PCDHGB2: variants seen among roughly 807,000 people sequenced by gnomAD.
The protein encoded by PCDHGB2 is protocadherin gamma-B2.
Under a neutral mutation model 59.3 loss-of-function variants are expected in PCDHGB2, and 55 were observed. The observed-to-expected ratio is 0.93, with a 90% CI of 0.75 to 1.16. The LOEUF is 1.16. Among genes scored for constraint, PCDHGB2 ranks in the 50% most tolerant of loss-of-function variants. The pLI, the probability that PCDHGB2 is intolerant of heterozygous loss-of-function variation, is 0.00. For synonymous variants in PCDHGB2, 516 were observed against 512.0 expected, an observed-to-expected ratio of 1.01 and a Z score of -0.11; for missense variants, 1,228 against 1,198.5, an observed-to-expected ratio of 1.02 and a Z score of -0.36.
rs1264017483 is a variant in PCDHGB2 at position 141,477,989 on chromosome 5, A to G, written c.2422-16818A>G. The G allele has an allele frequency of 5.6e-6, 9 of 1,614,086 alleles. No individual in the cohort carries two copies. The highest frequency in any genetic ancestry group is 1.6e-4 in the Middle Eastern group (1 of 6,062). On this transcript the variant is annotated intron_variant, in intron 1 of 3. Coordinates refer to ENST00000522605, the MANE Select transcript of PCDHGB2 (RefSeq NM_018923.3). The surrounding 1 kb of genome is among the most constrained non-coding windows in gnomAD (Gnocchi z 4.9). ...GAGCCTTTTTGCCATAGGGCTGCACACTGGTCAAATCAGTACTGCCCGTCC... is the reference window on the plus strand; with the variant it reads ...GAGCCTTTTTGCCATAGGGCTGCACGCTGGTCAAATCAGTACTGCCCGTCC...
chr5:141,452,148 T>C (rs1294195346), intron 1 of PCDHGB2, among the ~76,000 whole-genome samples: 1 of 152,228 alleles, frequency 6.6e-6, no homozygotes, highest in Non-Finnish European at 1.5e-5. Flanking sequence ...TTTTTTCCAA[T>C]GAGTTATATT....
chr5:141,499,881 T>A (rs2099795027), intron 2 of PCDHGB2, among the ~76,000 whole-genome samples: 1 of 152,082 alleles, frequency 6.6e-6, no homozygotes, highest in African/African-American at 2.4e-5. Flanking sequence ...ACAAACAGGG[T>A]TTCGCCATGT....
intron 1 of PCDHGB2, chr5:141,398,504 T>C: frequency 6.2e-7 from 1 of 1,611,098 alleles, no homozygotes; most frequent in Admixed American, 1.7e-5. Flanking sequence ...ATCGAGGACA[T>C]TAATGACCAC....
At chr5:141,417,954 C>A (rs2096198021) in intron 1 of PCDHGB2, 3 of 1,613,600 alleles carry the variant, frequency 1.9e-6, no homozygotes, top group South Asian at 1.1e-5. Flanking sequence ...CTGTGTGAGC[C>A]GATCCGCTAC....
In PCDHGB2 at chr5:141,476,886, C is replaced by T; in HGVS notation, c.2422-17921C>T. ...TACCGGGCGCGCGTCCTGGAGGATG[C>T]ACCCTCCGGCACGCGCGTGGTACAA... On this transcript the variant is annotated intron_variant, in intron 1 of 3. Transcript: ENST00000522605. This position sits in a 1 kb window ranked among gnomAD's most constrained non-coding sequence, Gnocchi z 7.6. The T allele has an allele frequency of 9.9e-6, 16 of 1,613,924 alleles. No individual in the cohort carries two copies. Among genetic ancestry groups the T allele is most frequent in the Non-Finnish European group, 1.4e-5 (16 of 1,180,032 alleles).
At chr5:141,502,093 G>C (rs1037154464) in intron 2 of PCDHGB2, among the ~76,000 whole-genome samples, 27 of 152,112 alleles carry the variant, frequency 1.8e-4, no homozygotes, top group Admixed American at 1.7e-3. Flanking sequence ...AGAACACCTG[G>C]CCTTGACCCT....
At chr5:141,385,259 A>G (rs1202101252) in intron 1 of PCDHGB2, 2 of 1,613,774 alleles carry the variant, frequency 1.2e-6, no homozygotes, top group Middle Eastern at 1.6e-4. Context: ...AGCTGTGAGA[A>G]AAATGATTCT....
At chr5:141,424,668 A>G (rs1561816018) in intron 1 of PCDHGB2, 1 of 152,196 alleles carries the variant, frequency 6.6e-6, no homozygotes, top group Non-Finnish European at 1.5e-5. Flanking sequence ...AATTAAACTG[A>G]TTTAGCTAGT....
At chr5:141,365,439 G>A (rs1010180647) in intron 1 of PCDHGB2, 3 of 1,613,890 alleles carry the variant, frequency 1.9e-6, no homozygotes, top group Non-Finnish European at 2.5e-6. Context: ...GCGCTGTTTA[G>A]CGTACATGAT....
chr5:141,388,396 A>C, intron 1 of PCDHGB2: 2 of 1,614,014 alleles, frequency 1.2e-6, no homozygotes, highest in Non-Finnish European at 1.7e-6. Flanking sequence ...CAGAATTACC[A>C]ACTCAGTCCC....
At chr5:141,475,957 G>A (rs776101269) in intron 1 of PCDHGB2, 148 of 812,416 alleles carry the variant, frequency 1.8e-4, no homozygotes, top group Non-Finnish European at 2.6e-4. Flanking sequence ...CTGCGCCCCG[G>A]GATGAGGCAG....
chr5:141,365,211 T>G, intron 1 of PCDHGB2: 1 of 1,613,934 alleles, frequency 6.2e-7, no homozygotes, highest in Middle Eastern at 1.6e-4. Context: ...ACTTTCCAAC[T>G]TGATTCCAAC....
chr5:141,486,211 T>C lies in PCDHGB2; in HGVS notation c.2422-8596T>C, dbSNP rs779905477. On this transcript the variant is annotated intron_variant, in intron 1 of 3. Coordinates refer to ENST00000522605, the MANE Select transcript of PCDHGB2 (RefSeq NM_018923.3). The surrounding 1 kb of genome is among the most constrained non-coding windows in gnomAD (Gnocchi z 5.0). ...TGGATCTGCTGGACGTAAATGACAA[T>C]GCCCCTTACATCACAGTGACCTCAG... 6.2e-7 allele frequency: 1 copy of C among 1,614,142 alleles called. No homozygotes were observed. Among genetic ancestry groups the C allele is most frequent in the Non-Finnish European group, 8.5e-7 (1 of 1,180,024 alleles).
At chr5:141,421,017 T>TGC (rs1489188484) in intron 1 of PCDHGB2, 1 of 518,776 alleles carries the variant, frequency 1.9e-6, no homozygotes, top group African/African-American at 2.0e-5. Flanking sequence ...AATGGGAAGC[T>TGC]GCGCGCCATT....
intron 1 of PCDHGB2, among the ~76,000 whole-genome samples, chr5:141,483,679 CAGAA>C (rs1470395939): frequency 6.7e-6 from 1 of 149,028 alleles, no homozygotes; most frequent in Non-Finnish European, 1.5e-5. Flanking sequence ...TAAAAGAACA[CAGAA>C]AGCCAGATTC....
chr5:141,365,569 A>G, intron 1 of PCDHGB2: 1 of 1,613,722 alleles, frequency 6.2e-7, no homozygotes, highest in Non-Finnish European at 8.5e-7. Context: ...TGGACAGAGA[A>G]GAGACTTCAG....
At chr5:141,384,795 G>C (rs763067876) in intron 1 of PCDHGB2, 1 of 1,613,482 alleles carries the variant, frequency 6.2e-7, no homozygotes, top group South Asian at 1.1e-5. Context: ...CTCGGGCCCT[G>C]CTGGACAGAG....
At chr5:141,371,130 A>G (rs1055242827) in intron 1 of PCDHGB2, 3 of 1,614,014 alleles carry the variant, frequency 1.9e-6, no homozygotes, top group East Asian at 2.2e-5. Context: ...TACTCAGGAC[A>G]TGTACAGGGT....
At chr5:141,421,774 C>G (rs767599830) in intron 1 of PCDHGB2, 27 of 1,613,772 alleles carry the variant, frequency 1.7e-5, no homozygotes, top group Middle Eastern at 1.6e-4. Context: ...TTCCTTGCAA[C>G]TGCGGGGCAG....
Sources: allele counts gnomAD v4.1 joint callset (sites outside exome capture counted in the v4.1 genomes callset), GRCh38; gene constraint gnomAD v4.1.1; non-coding constraint Gnocchi (gnomAD v3.1); transcripts MANE v1.5; gene names NCBI Gene and HGNC (gene_info 2026-07-23, HGNC 2026-07-21).